Variants in FNDC3B observed in about 807,000 individuals in gnomAD.
FNDC3B encodes fibronectin type III domain-containing protein 3B.
Under a neutral mutation model 151.5 loss-of-function variants are expected in FNDC3B, and 12 were observed. The observed-to-expected ratio is 0.08, with a 90% CI of 0.05 to 0.13. The LOEUF (loss-of-function observed/expected upper bound fraction) is 0.13. Ranked by LOEUF, FNDC3B falls within the 10% of genes least tolerant of loss-of-function variation. The probability of loss-of-function intolerance (pLI) is 1.00; values close to 1 mark genes in which losing one functional copy is unlikely to be tolerated. For missense variants in FNDC3B, 1,214 were observed against 1,505.3 expected (o/e 0.81, Z 3.20); for synonymous variants, 528 against 549.0 (o/e 0.96, Z 0.54).
intron 3 of FNDC3B, among the ~76,000 whole-genome samples, chr3:172,137,468 C>G (rs778113062): frequency 2.0e-5 from 3 of 152,146 alleles, no homozygotes; most frequent in Middle Eastern, 3.4e-3. Context: ...CTAGCCTGGG[C>G]AACATAGTGA....
At position 172,129,218 on chromosome 3, in the gene FNDC3B, C is replaced by T. The variant is rs182423058; in HGVS notation, c.112-4253C>T. 2.9e-3 allele frequency among the ~76,000 whole-genome samples: 448 copies of T among 152,284 alleles called. 1 individual carries two copies. The highest frequency in any genetic ancestry group is 0.01 in the African/African-American group (423 of 41,562). On this transcript the variant is annotated intron_variant, in intron 2 of 25. Coordinates refer to ENST00000415807, the MANE Select transcript of FNDC3B (RefSeq NM_022763.4). Reference sequence around the variant, plus strand: ...AACTCCTGGTCTCAAGTGATTCTCCCCGTCTCAGCCTCCCAAAGCACTGGA... The same window carrying T: ...AACTCCTGGTCTCAAGTGATTCTCCTCGTCTCAGCCTCCCAAAGCACTGGA...
At chr3:172,152,171 A>G (rs1291969329) in intron 3 of FNDC3B, among the ~76,000 whole-genome samples, 3 of 152,120 alleles carry the variant, frequency 2.0e-5, no homozygotes, top group Non-Finnish European at 4.4e-5. Flanking sequence ...TTGGCTGCCA[A>G]TTCCTCTTCA....
chr3:172,355,551 C>T (rs1441360919), intron 22 of FNDC3B, among the ~76,000 whole-genome samples: 1 of 152,054 alleles, frequency 6.6e-6, no homozygotes, highest in African/African-American at 2.4e-5. Flanking sequence ...TTTAATTAGC[C>T]TTTCAGGAGA....
chr3:172,089,373 C>G (rs1192959731), intron 1 of FNDC3B, among the ~76,000 whole-genome samples: 1 of 151,986 alleles, frequency 6.6e-6, no homozygotes, highest in Non-Finnish European at 1.5e-5. Context: ...AGTAAGAATT[C>G]ATTAGGGATG....
At chr3:172,223,070 T>A (rs1218606571) in intron 3 of FNDC3B, among the ~76,000 whole-genome samples, 1 of 152,218 alleles carries the variant, frequency 6.6e-6, no homozygotes, top group Non-Finnish European at 1.5e-5. Flanking sequence ...AAAATTCAAT[T>A]CATTAACAAT....
At chr3:172,147,617 C>T (rs1721982566) in intron 3 of FNDC3B, among the ~76,000 whole-genome samples, 2 of 152,136 alleles carry the variant, frequency 1.3e-5, no homozygotes, top group Admixed American at 6.5e-5. Context: ...AAACCAGAAT[C>T]ACCTGGAGGG....
chr3:172,337,085 T>A (rs1237991012), intron 15 of FNDC3B, among the ~76,000 whole-genome samples: 1 of 152,240 alleles, frequency 6.6e-6, no homozygotes, highest in Non-Finnish European at 1.5e-5. Flanking sequence ...CATATTTCAC[T>A]ACATGAATGC....
chr3:172,309,010 C>T (rs182510117), intron 10 of FNDC3B, among the ~76,000 whole-genome samples: 1 of 152,312 alleles, frequency 6.6e-6, no homozygotes, highest in African/African-American at 2.4e-5. Context: ...GGATGAATTT[C>T]AGGTCTCAGG....
intron 3 of FNDC3B, among the ~76,000 whole-genome samples, chr3:172,162,441 A>G (rs1722826774): frequency 6.6e-6 from 1 of 152,150 alleles, no homozygotes; most frequent in Non-Finnish European, 1.5e-5. Context: ...TACCGTGGCT[A>G]TGAGCATTTA....
chr3:172,292,657 C>G (rs1730406792), intron 7 of FNDC3B, among the ~76,000 whole-genome samples: 2 of 152,180 alleles, frequency 1.3e-5, no homozygotes, highest in Admixed American at 1.3e-4. Flanking sequence ...TTCTTGGGTG[C>G]AAAGCAGCCA....
Position 172,362,828 on chromosome 3 carries a change from G to A in FNDC3B, c.2991G>A (p.Leu997=). 1 of 1,613,464 alleles carries A rather than the reference G, an allele frequency of 6.2e-7. No individual in the cohort carries two copies. Among genetic ancestry groups the A allele is most frequent in the Non-Finnish European group, 8.5e-7 (1 of 1,179,692 alleles). Residue 997 remains leucine (L), a synonymous_variant, in exon 23 of 26, where the codon CTG becomes CTA. Coordinates refer to ENST00000415807, the MANE Select transcript of FNDC3B (RefSeq NM_022763.4). The part of the protein sequence containing the change: ...AAEDIVYTLQ[L]EDRNKRFISI... ...AGGACATTGTGTACACACTACAGCT[G>A]GAGGACAGAAACAAGAGGTGAGGTG...
chr3:172,370,592 G>T (rs995319421), intron 23 of FNDC3B, among the ~76,000 whole-genome samples: 3 of 152,180 alleles, frequency 2.0e-5, no homozygotes, highest in African/African-American at 7.2e-5. Flanking sequence ...CAGTTGAGCC[G>T]TAGAGAGTTA....
Position 172,330,571 on chromosome 3 carries a change from A to G in FNDC3B, c.1410A>G (p.Thr470=), listed in dbSNP as rs762912050. 4 of 1,614,080 alleles carry G rather than the reference A, an allele frequency of 2.5e-6. No homozygotes were observed. Among genetic ancestry groups the G allele is most frequent in the Middle Eastern group, 1.7e-4 (1 of 6,060 alleles). Residue 470 remains threonine (T), a synonymous_variant, in exon 13 of 26, where the codon ACA becomes ACG. Coordinates refer to ENST00000415807, the MANE Select transcript of FNDC3B (RefSeq NM_022763.4). ...ATAGCCAAGAGGTGGTGTGCTACAC[A>G]TTAGGAAATATCCCTCAGATGCCTT... ...SGYSQEVVCY[T]LGNIPQMPSA...
intron 4 of FNDC3B, among the ~76,000 whole-genome samples, chr3:172,245,640 TTGA>T (rs1727739264): frequency 6.6e-6 from 1 of 152,126 alleles, no homozygotes; most frequent in Admixed American, 6.5e-5. Flanking sequence ...AGAAGAAGCT[TTGA>T]TGATAATTAT....
At chr3:172,131,576 C>G (rs938448716) in intron 2 of FNDC3B, among the ~76,000 whole-genome samples, 13 of 152,060 alleles carry the variant, frequency 8.5e-5, no homozygotes, top group African/African-American at 2.7e-4. Context: ...TGTCATAATT[C>G]AAGATAATGA....
In FNDC3B at chr3:172,093,405, C is replaced by T. The variant is rs1012522147; in HGVS notation, c.-28-19047C>T. The stretch of plus-strand genomic sequence containing the variant: ...TCCCGAGTAGCTGGGACTACAGGCG[C>T]CCGCCACCGCACCCGGCTAATTTTT... On this transcript the variant is annotated intron_variant, in intron 1 of 25. Transcript: ENST00000415807. Among the ~76,000 whole-genome samples the T allele has an allele frequency of 3.1e-4, 47 of 151,988 alleles. 1 individual carries two copies. The highest frequency in any genetic ancestry group is 1.1e-3 in the African/African-American group (45 of 41,456).
intron 11 of FNDC3B, 111 bp downstream of exon 11, chr3:172,310,992 A>G (rs754966231): frequency 1.3e-6 from 1 of 781,308 alleles, no homozygotes; most frequent in African/African-American, 1.7e-5. Context: ...GAAAAAAGGA[A>G]TGCTAGTAGA....
intron 6 of FNDC3B, among the ~76,000 whole-genome samples, chr3:172,254,037 CCTT>C (rs1428903952): frequency 6.6e-6 from 1 of 152,096 alleles, no homozygotes; most frequent in Non-Finnish European, 1.5e-5. Flanking sequence ...ACCTCGGCCT[CCTT>C]CTTTTTACTT....
At chr3:172,270,122 G>T (rs547913487) in intron 6 of FNDC3B, among the ~76,000 whole-genome samples, 70 of 152,270 alleles carry the variant, frequency 4.6e-4, no homozygotes, top group South Asian at 2.3e-3. Flanking sequence ...CATTAAATTT[G>T]ACTGTTTTCC....
Sources: gnomAD v4.1 joint callset for allele counts (sites outside exome capture counted in the v4.1 genomes callset) on GRCh38, gnomAD v4.1.1 for gene constraint, MANE v1.5 for transcripts, NCBI Gene and HGNC (gene_info 2026-07-23, HGNC 2026-07-21) for gene names.